ST6GALNAC1: variants seen among roughly 807,000 people sequenced by gnomAD.
The protein encoded by ST6GALNAC1 is alpha-N-acetylgalactosaminide alpha-2,6-sialyltransferase 1.
A neutral mutation model predicts 56.8 loss-of-function variants in ST6GALNAC1; 45 were observed. The ratio of observed to expected loss-of-function variants is 0.79; its 90% CI spans 0.62 to 1.02. The LOEUF (loss-of-function observed/expected upper bound fraction) is 1.02. Among genes scored for constraint, ST6GALNAC1 ranks in the 50% least tolerant of loss-of-function variants. The pLI is 0.00. For missense variants in ST6GALNAC1, 743 were observed against 754.8 expected (o/e 0.98, Z 0.18); for synonymous variants, 295 against 297.8 (o/e 0.99, Z 0.10).
the ST6GALNAC1 span, among the ~76,000 whole-genome samples, chr17:76,617,840 C>T: frequency 6.6e-6 from 1 of 151,876 alleles, no homozygotes; most frequent in Admixed American, 6.6e-5. Flanking sequence ...AAGGCCTGGC[C>T]CTCAAAATTG....
intron 2 of ST6GALNAC1, among the ~76,000 whole-genome samples, chr17:76,628,092 A>C (rs1252957100): frequency 1.6e-4 from 10 of 61,390 alleles, no homozygotes; most frequent in Non-Finnish European, 3.1e-4. Flanking sequence ...GCGAGAGTCC[A>C]TCTCAAAAAA....
At chr17:76,626,556 C>T in intron 5 of ST6GALNAC1, 95 bp downstream of exon 5, 1 of 1,573,358 alleles carries the variant, frequency 6.4e-7, no homozygotes, top group African/African-American at 1.3e-5. Context: ...CAACCACAGA[C>T]TCCATCCGGA....
In ST6GALNAC1 at chr17:76,627,564, T is replaced by G; in HGVS notation, c.851A>C (p.Lys284Thr). 2.5e-6 allele frequency: 4 copies of G among 1,614,114 alleles called. No homozygotes were observed. The highest frequency in any genetic ancestry group is 3.4e-6 in the Non-Finnish European group (4 of 1,180,014). ...GLQTTCPDSV[K>T]IKASKSLWLQ... ...CCACAGCGACTTGGAGGCTTTGATC[T>G]TCACAGAGTCAGGGCAAGTCTATAT... The change falls in exon 3 of 9, where the codon AAG becomes ACG. Residue 284 changes from lysine (K) to threonine (T), a missense_variant. Physicochemically the swap from Lys to Thr is moderately conservative, Grantham distance 78. Coordinates refer to ENST00000156626, the MANE Select transcript of ST6GALNAC1 (RefSeq NM_018414.5). This position sits in a 1 kb window ranked among gnomAD's most constrained non-coding sequence, Gnocchi z 4.4.
intron 1 of ST6GALNAC1, among the ~76,000 whole-genome samples, chr17:76,638,110 CTTT>C (rs397744489): frequency 3.0e-5 from 4 of 132,804 alleles, no homozygotes; most frequent in Admixed American, 7.6e-5. Context: ...ACAGCTCACT[CTTT>C]TTTTTTTTTT....
chr17:76,639,604 A>G (rs985898054), intron 1 of ST6GALNAC1, among the ~76,000 whole-genome samples: 5 of 151,190 alleles, frequency 3.3e-5, no homozygotes, highest in African/African-American at 1.2e-4. Context: ...TACATAATTC[A>G]TGTAATCTCA....
chr17:76,618,106 T>C, the ST6GALNAC1 span, among the ~76,000 whole-genome samples: 1 of 152,216 alleles, frequency 6.6e-6, no homozygotes, highest in Non-Finnish European at 1.5e-5. Flanking sequence ...CCGTTCTATG[T>C]CCTTAATGTT....
intron 1 of ST6GALNAC1, among the ~76,000 whole-genome samples, chr17:76,636,397 G>A (rs895127111): frequency 1.3e-5 from 2 of 151,984 alleles, no homozygotes; most frequent in Non-Finnish European, 2.9e-5. Context: ...GGTGGGTGGC[G>A]GAAATGAGAG....
chr17:76,635,948 G>A (rs570929583), intron 1 of ST6GALNAC1, among the ~76,000 whole-genome samples: 108 of 152,230 alleles, frequency 7.1e-4, no homozygotes, highest in African/African-American at 2.5e-3. Context: ...GTTCTGCTCG[G>A]GGGGATACTT....
chr17:76,629,671 A>G lies in ST6GALNAC1; in HGVS notation c.172T>C (p.Ser58Pro). 1 of 1,613,564 alleles carries G rather than the reference A, an allele frequency of 6.2e-7. No individual in the cohort carries two copies. The highest frequency in any genetic ancestry group is 8.5e-7 in the Non-Finnish European group (1 of 1,179,924). ...TENIKERSLQ[S>P]LAKPKSQAPT... ...GCCTGGGACTTAGGCTTTGCCAGGG[A>G]CTGTAGAGACCTTTCTTTAATGTTC... is the stretch of plus-strand genomic sequence containing the variant. The change falls in exon 2 of 9, where the codon TCC (serine) becomes CCC (proline). Residue 58 changes from serine to proline, a missense_variant. By Grantham distance (74) the Ser-to-Pro change is moderately conservative. Coordinates refer to ENST00000156626, the MANE Select transcript of ST6GALNAC1 (RefSeq NM_018414.5).
intron 1 of ST6GALNAC1, among the ~76,000 whole-genome samples, chr17:76,632,528 A>G (rs1170937410): frequency 6.6e-6 from 1 of 152,158 alleles, no homozygotes; most frequent in African/African-American, 2.4e-5. Context: ...TGACTCCTTT[A>G]GGTTTTGCAG....
the ST6GALNAC1 span, among the ~76,000 whole-genome samples, chr17:76,618,589 G>A: frequency 6.6e-6 from 1 of 151,904 alleles, no homozygotes; most frequent in Non-Finnish European, 1.5e-5. Context: ...ACCAGCCTGG[G>A]CAACATAGTG....
At chr17:76,626,493 G>T in intron 5 of ST6GALNAC1, 101 bp from the exon 6 acceptor site, 1 of 1,485,636 alleles carries the variant, frequency 6.7e-7, no homozygotes, top group Non-Finnish European at 9.3e-7. Flanking sequence ...CTCTGCTCTG[G>T]ACTGGTCTGA....
rs146157853 is a variant in ST6GALNAC1, at chr17:76,634,622, C to T, written c.132-4911G>A. On this transcript the variant is annotated intron_variant, in intron 1 of 8. Transcript: ENST00000156626. ...GGCGTGGTGCCTCACGCCTGTAATC[C>T]CAGCACTTTGGGAGGCCGGGGGTGG... Among the ~76,000 whole-genome samples the T allele has an allele frequency of 9.4e-3, 1,086 of 115,808 alleles. 13 individuals carry two copies. The highest frequency in any genetic ancestry group is 0.034 in the African/African-American group (988 of 29,452). The allele number at this position is 115,808 out of a possible 152,430, so 76.0% of individuals were successfully genotyped here.
intron 1 of ST6GALNAC1, chr17:76,633,607 C>T (rs2075937173): frequency 6.6e-6 from 1 of 152,156 alleles, no homozygotes; most frequent in Non-Finnish European, 1.5e-5. Flanking sequence ...GCAACATCCT[C>T]CCTCTCTGTA....
At position 76,626,100 on chromosome 17, in the gene ST6GALNAC1, G is replaced by A; in HGVS notation, c.1416-5C>T. The A allele has an allele frequency of 1.2e-6, 2 of 1,614,024 alleles. No homozygotes were observed. Among genetic ancestry groups the A allele is most frequent in the East Asian group, 2.2e-5 (1 of 44,870 alleles). On this transcript the variant is annotated splice_region_variant and splice_polypyrimidine_tract_variant and intron_variant, in intron 6 of 8. Coordinates refer to ENST00000156626, the MANE Select transcript of ST6GALNAC1 (RefSeq NM_018414.5). Reference sequence around the variant, plus strand: ...AAAGCTTCCTGGGGTCTGTGCCTGTGGTTAGGAAGGGGTCATTCAGACTCA... The same window carrying A: ...AAAGCTTCCTGGGGTCTGTGCCTGTAGTTAGGAAGGGGTCATTCAGACTCA...
chr17:76,625,936 C>T lies in ST6GALNAC1; in HGVS notation c.1506-18G>A. On this transcript the variant is annotated intron_variant, in intron 7 of 8. Transcript: ENST00000156626. ...TCAGAAACCTGTGAAATGCCCCAAA[C>T]CCCCAACTGTCAGGAGGCTGCAAGG... The T allele has an allele frequency of 6.3e-7, 1 of 1,596,928 alleles. No homozygotes were observed. The highest frequency in any genetic ancestry group is 8.5e-7 in the Non-Finnish European group (1 of 1,171,604).
chr17:76,619,858 C>G (rs1431429679), downstream of ST6GALNAC1, among the ~76,000 whole-genome samples: 1 of 150,360 alleles, frequency 6.7e-6, no homozygotes, highest in Admixed American at 6.7e-5. Flanking sequence ...ATTCTCCTGC[C>G]TCAGCTTCCC....
rs893274475 is a variant in ST6GALNAC1, at chr17:76,625,174, TGA to T, written c.*154_*155del. 4 of 748,168 alleles carry T rather than the reference TGA, an allele frequency of 5.3e-6. No homozygotes were observed. The highest frequency in any genetic ancestry group is 1.8e-5 in the African/African-American group (1 of 56,540). The allele number at this position is 748,168 out of a possible 1,614,324, so 46.3% of individuals were successfully genotyped here. On this transcript the variant is annotated 3_prime_UTR_variant, in exon 9 of 9. Coordinates refer to ENST00000156626, the MANE Select transcript of ST6GALNAC1 (RefSeq NM_018414.5). ...AACCTCAATTAGCCATTTGCCATCT[TGA>T]GAGAGTCTTGTCCATGGTTCAAGTG...
chr17:76,623,778 C>G (rs1255118988), downstream of ST6GALNAC1, among the ~76,000 whole-genome samples: 1 of 152,330 alleles, frequency 6.6e-6, no homozygotes. Flanking sequence ...GCAGAGTGAT[C>G]TAACCCATCA....
Sources: allele counts gnomAD v4.1 joint callset (sites outside exome capture counted in the v4.1 genomes callset), GRCh38; gene constraint gnomAD v4.1.1; non-coding constraint Gnocchi (gnomAD v3.1); transcripts MANE v1.5; gene names NCBI Gene and HGNC (gene_info 2026-07-23, HGNC 2026-07-21).